PEX14: variants seen among roughly 807,000 people sequenced by gnomAD.
PEX14 encodes peroxisomal membrane protein PEX14.
A neutral mutation model predicts 49.5 loss-of-function variants in PEX14; 15 were observed. That is an observed-to-expected ratio of 0.30 (90% CI 0.20 to 0.47). PEX14 has a LOEUF of 0.47. PEX14 is among the 20% of genes least tolerant of loss of function. PEX14 has a pLI of 1.00. For synonymous variants in PEX14, 210 were observed against 212.7 expected (o/e 0.99, Z 0.11); for missense variants, 398 against 494.8 (o/e 0.80, Z 1.86).
intron 7 of PEX14, among the ~76,000 whole-genome samples, chr1:10,624,931 G>A (rs536899180): frequency 2.8e-4 from 43 of 152,208 alleles, no homozygotes; most frequent in African/African-American, 9.9e-4. Flanking sequence ...ATGGGTTCTG[G>A]CAATCCTAGG....
At chr1:10,545,177 A>G (rs1245275377) in intron 3 of PEX14, among the ~76,000 whole-genome samples, 2 of 152,294 alleles carry the variant, frequency 1.3e-5, no homozygotes, top group East Asian at 1.9e-4. Context: ...GTTGTTGTAT[A>G]TACTAGTGGT....
chr1:10,630,304 C>T lies in PEX14; in HGVS notation c.*317C>T, dbSNP rs1464594045. The T allele has an allele frequency of 2.8e-5, 13 of 459,914 alleles. No homozygotes were observed. Among genetic ancestry groups the T allele is most frequent in the African/African-American group, 7.8e-5 (4 of 51,010 alleles). The allele number at this position is 459,914 out of a possible 1,614,324, so 28.5% of individuals were successfully genotyped here. A position where few individuals can be genotyped will look rare whatever the true frequency, so the allele number is the denominator to read the frequency against. On this transcript the variant is annotated 3_prime_UTR_variant, in exon 9 of 9. Transcript: ENST00000356607. This position sits in a 1 kb window ranked among gnomAD's most constrained non-coding sequence, Gnocchi z 4.1. ...TCCCCAGCCCCCTCTCCCGGACAGACGCCTTGCCCAGGGTGTGTTTGCTGA... is the reference window on the plus strand; with the variant it reads ...TCCCCAGCCCCCTCTCCCGGACAGATGCCTTGCCCAGGGTGTGTTTGCTGA...
chr1:10,517,492 A>G (rs1641991074), intron 2 of PEX14, among the ~76,000 whole-genome samples: 1 of 152,190 alleles, frequency 6.6e-6, no homozygotes, highest in African/African-American at 2.4e-5. Flanking sequence ...GGTGCTAGAA[A>G]TCTGAATTTT....
intron 3 of PEX14, among the ~76,000 whole-genome samples, chr1:10,551,447 C>T (rs1009969178): frequency 1.4e-4 from 22 of 152,164 alleles, no homozygotes; most frequent in African/African-American, 4.6e-4. Context: ...TTACACAGCG[C>T]GCTGGAGGCT....
intron 2 of PEX14, among the ~76,000 whole-genome samples, chr1:10,525,321 A>T (rs888704918): frequency 8.8e-6 from 1 of 113,264 alleles, no homozygotes; most frequent in Non-Finnish European, 2.1e-5. Flanking sequence ...AAAGATGTGT[A>T]AAAAAAAAAA....
At chr1:10,507,507 G>A (rs551665689) in intron 2 of PEX14, among the ~76,000 whole-genome samples, 13 of 152,314 alleles carry the variant, frequency 8.5e-5, no homozygotes, top group Non-Finnish European at 1.6e-4. Flanking sequence ...CAGAGGAGGC[G>A]TCTGCACCCA....
At chr1:10,548,467 A>G (rs920433683) in intron 3 of PEX14, among the ~76,000 whole-genome samples, 1 of 152,230 alleles carries the variant, frequency 6.6e-6, no homozygotes, top group Non-Finnish European at 1.5e-5. Context: ...TTGGACTGTA[A>G]TTAGAAAGAT....
At chr1:10,516,651 G>A (rs527947051) in intron 2 of PEX14, among the ~76,000 whole-genome samples, 4 of 152,308 alleles carry the variant, frequency 2.6e-5, no homozygotes, top group African/African-American at 9.6e-5. Context: ...AGCTAACATG[G>A]GTACAAACCA....
At chr1:10,559,097 A>G (rs185503319) in intron 3 of PEX14, among the ~76,000 whole-genome samples, 1 of 152,310 alleles carries the variant, frequency 6.6e-6, no homozygotes, top group African/African-American at 2.4e-5. Flanking sequence ...AGCATATCAC[A>G]TGAAAATAAC....
intron 2 of PEX14, among the ~76,000 whole-genome samples, chr1:10,525,652 G>GT (rs567949895): frequency 4.6e-5 from 7 of 152,262 alleles, no homozygotes; most frequent in Middle Eastern, 6.8e-3. Flanking sequence ...TCAAAATGGA[G>GT]TGTCACTCTG....
Position 10,609,201 on chromosome 1 carries a change from AT to A in PEX14, c.299-9130del, listed in dbSNP as rs1641207806. ...TAGATTGTCTCCAATTTTGGTGAAGATGAATAATGCTGCAAAGAACATTTCT... is the reference window on the plus strand; with the variant it reads ...TAGATTGTCTCCAATTTTGGTGAAGAGAATAATGCTGCAAAGAACATTTCT... On this transcript the variant is annotated intron_variant, in intron 4 of 8. Coordinates refer to ENST00000356607, the MANE Select transcript of PEX14 (RefSeq NM_004565.3). Among the ~76,000 whole-genome samples, 3 of 152,212 alleles carry A rather than the reference AT, an allele frequency of 2.0e-5. No homozygotes were observed. In the South Asian group the frequency reaches 6.2e-4, roughly 32 times the overall value.
At position 10,627,328 on chromosome 1, in the gene PEX14, C is replaced by G. The variant is rs751362894; in HGVS notation, c.642C>G (p.Ser214=). 12 of 1,612,964 alleles carry G rather than the reference C, an allele frequency of 7.4e-6. No individual in the cohort carries two copies. Among genetic ancestry groups the G allele is most frequent in the Non-Finnish European group, 1.0e-5 (12 of 1,179,176 alleles). ...LESQNINELK[S]EINSLKGLLL... ...CCCAGAATATCAACGAACTCAAGTC[C>G]GAAATTAACTCCTTGAAAGGGCTTC... The change falls in exon 8 of 9, where the codon TCC becomes TCG. Residue 214 remains serine (S), a synonymous_variant. Coordinates refer to ENST00000356607, the MANE Select transcript of PEX14 (RefSeq NM_004565.3).
In PEX14 at chr1:10,495,236, C is replaced by T; in HGVS notation, c.37-38C>T. On this transcript the variant is annotated intron_variant, in intron 1 of 8. Coordinates refer to ENST00000356607, the MANE Select transcript of PEX14 (RefSeq NM_004565.3). This position sits in a 1 kb window ranked among gnomAD's most constrained non-coding sequence, Gnocchi z 4.2. ...TGGTTTTTTGATGTCCATTGGGTGG[C>T]ACTGTGATCTTATTTTTGTTTCCAT... 1 of 1,602,284 alleles carries T rather than the reference C, an allele frequency of 6.2e-7. No homozygotes were observed. Among genetic ancestry groups the T allele is most frequent in the East Asian group, 2.2e-5 (1 of 44,804 alleles).
intron 1 of PEX14, among the ~76,000 whole-genome samples, chr1:10,490,537 C>T (rs998183081): frequency 4.6e-5 from 7 of 152,122 alleles, no homozygotes; most frequent in Non-Finnish European, 2.9e-5. Context: ...TCTCTCTCTG[C>T]CGCCGTAGTC....
chr1:10,577,551 TATATATATA>T (rs1640171139), intron 3 of PEX14, among the ~76,000 whole-genome samples: 1 of 15,586 alleles, frequency 6.4e-5, no homozygotes, highest in African/African-American at 2.2e-4. Flanking sequence ...TATATATATA[TATATATATA>T]TATTTTTTTT....
chr1:10,515,019 G>A (rs1443296377), intron 2 of PEX14, among the ~76,000 whole-genome samples: 3 of 152,314 alleles, frequency 2.0e-5, no homozygotes, highest in East Asian at 1.9e-4. Context: ...GGAAGAGAGC[G>A]CAGAGGGAGA....
intron 1 of PEX14, among the ~76,000 whole-genome samples, chr1:10,479,856 GT>G (rs1641254350): frequency 6.6e-6 from 1 of 152,144 alleles, no homozygotes; most frequent in African/African-American, 2.4e-5. Flanking sequence ...TTAAAGCTGG[GT>G]GTGGTGGTGC....
chr1:10,619,657 C>T (rs78282029), intron 5 of PEX14, among the ~76,000 whole-genome samples: 19,472 of 152,080 alleles, frequency 0.13, 1,603 homozygotes, highest in South Asian at 0.18. Flanking sequence ...CACTCAGACT[C>T]GCCATGGTCA....
chr1:10,599,076 T>C (rs1453932955), intron 3 of PEX14, among the ~76,000 whole-genome samples, 162 bp from the exon 4 acceptor site: 1 of 152,192 alleles, frequency 6.6e-6, no homozygotes, highest in Non-Finnish European at 1.5e-5. Context: ...TAAGGTTAAA[T>C]TGCAACTGAG....
Sources: gnomAD v4.1 joint callset for allele counts (sites outside exome capture counted in the v4.1 genomes callset) on GRCh38, gnomAD v4.1.1 for gene constraint, Gnocchi (gnomAD v3.1) non-coding constraint, MANE v1.5 for transcripts, NCBI Gene and HGNC (gene_info 2026-07-23, HGNC 2026-07-21) for gene names.